N4BP2L2: variants seen among roughly 807,000 people sequenced by gnomAD.
N4BP2L2 encodes the protein NEDD4 binding protein 2 like 2.
In N4BP2L2, 50 loss-of-function variants were observed where a neutral mutation model predicts 56.2. The observed-to-expected ratio is 0.89, with a 90% CI of 0.71 to 1.13. The LOEUF (loss-of-function observed/expected upper bound fraction) is 1.13. N4BP2L2 is among the 50% of genes most tolerant of loss of function. The probability of loss-of-function intolerance (pLI) is 0.00; values close to 1 mark genes in which losing one functional copy is unlikely to be tolerated. For synonymous variants in N4BP2L2, 203 were observed against 223.6 expected, an observed-to-expected ratio of 0.91 and a Z score of 0.82; for missense variants, 689 against 693.8, an observed-to-expected ratio of 0.99 and a Z score of 0.08.
chr13:32,521,153 C>T (rs1393884481), intron 5 of N4BP2L2, among the ~76,000 whole-genome samples: 1 of 152,014 alleles, frequency 6.6e-6, no homozygotes, highest in Non-Finnish European at 1.5e-5. Flanking sequence ...AACATGAAAG[C>T]ACAAAGTAAA....
chr13:32,502,773 A>G lies in N4BP2L2; in HGVS notation c.365+15084T>C, dbSNP rs866142442. 3.3e-5 allele frequency among the ~76,000 whole-genome samples: 5 copies of G among 152,338 alleles called. No homozygotes were observed. The South Asian group carries it at 1.0e-3, about 32-fold the overall frequency. On this transcript the variant is annotated intron_variant, in intron 6 of 9. Coordinates refer to the N4BP2L2 transcript ENST00000357505. The stretch of plus-strand genomic sequence containing the variant: ...CTTCTAAGGGGCAGTCTGAAAGCAC[A>G]GAACTCCATTGCTCCGTGAACACCA...
intron 6 of N4BP2L2, among the ~76,000 whole-genome samples, chr13:32,474,971 T>C (rs2083022223): frequency 2.0e-5 from 3 of 152,220 alleles, no homozygotes; most frequent in African/African-American, 7.2e-5. Flanking sequence ...TACATAACTA[T>C]ATAGATGAGG....
At chr13:32,473,226 G>C (rs2082647447) in intron 6 of N4BP2L2, among the ~76,000 whole-genome samples, 1 of 150,864 alleles carries the variant, frequency 6.6e-6, no homozygotes, top group Non-Finnish European at 1.5e-5. Context: ...AGATTGCAGT[G>C]AGCCAAGATC....
intron 2 of N4BP2L2, among the ~76,000 whole-genome samples, chr13:32,535,394 C>A (rs971074830): frequency 3.3e-5 from 5 of 152,126 alleles, no homozygotes; most frequent in African/African-American, 4.8e-5. Flanking sequence ...ATTTTTAAAG[C>A]CCTTAGCAGA....
intron 6 of N4BP2L2, among the ~76,000 whole-genome samples, chr13:32,467,085 A>C (rs185971709): frequency 2.0e-5 from 3 of 152,388 alleles, no homozygotes; most frequent in South Asian, 2.1e-4. Flanking sequence ...GTTGATATAA[A>C]ATGGCCATTC....
chr13:32,502,265 C>T (rs537334892), intron 6 of N4BP2L2, among the ~76,000 whole-genome samples: 27 of 151,894 alleles, frequency 1.8e-4, no homozygotes, highest in African/African-American at 4.8e-4. Context: ...TTGGTAGAGA[C>T]GGGGTTTCAC....
chr13:32,434,270 T>TTTTTTTTTTTTAGA (rs2075215063), intron 9 of N4BP2L2, among the ~76,000 whole-genome samples: 1 of 148,512 alleles, frequency 6.7e-6, no homozygotes, highest in Admixed American at 6.7e-5. Context: ...TTTTTTTTTT[T>TTTTTTTTTTTTAGA]GTATTTTAGT....
At chr13:32,435,436 G>C (rs1164041805) in intron 9 of N4BP2L2, among the ~76,000 whole-genome samples, 1 of 151,994 alleles carries the variant, frequency 6.6e-6, no homozygotes, top group Non-Finnish European at 1.5e-5. Context: ...GTTTTGCCAT[G>C]TTGGCTAGGC....
exon 2 of N4BP2L2, chr13:32,536,059 A>C (rs1399789715): frequency 6.2e-7 from 1 of 1,614,086 alleles, no homozygotes; most frequent in East Asian, 2.2e-5. Flanking sequence ...TCCAGTTAAC[A>C]TGACAATTAT....
chr13:32,510,291 A>G (rs961034448), downstream of N4BP2L2: 2 of 152,124 alleles, frequency 1.3e-5, no homozygotes, highest in Admixed American at 6.5e-5. Flanking sequence ...CCAACTTAAC[A>G]TAATTTAGCA....
At chr13:32,492,053 G>T (rs929201851) in intron 6 of N4BP2L2, among the ~76,000 whole-genome samples, 2 of 152,012 alleles carry the variant, frequency 1.3e-5, no homozygotes, top group Non-Finnish European at 2.9e-5. Flanking sequence ...TCCCCACAAA[G>T]GCCTAACTCT....
chr13:32,483,631 T>TA (rs1484220181), intron 6 of N4BP2L2, among the ~76,000 whole-genome samples: 2 of 152,230 alleles, frequency 1.3e-5, no homozygotes, highest in Non-Finnish European at 2.9e-5. Flanking sequence ...CAGGAATGGA[T>TA]AATAGCATTG....
At chr13:32,435,407 T>C (rs1293032070) in intron 9 of N4BP2L2, among the ~76,000 whole-genome samples, 1 of 152,178 alleles carries the variant, frequency 6.6e-6, no homozygotes, top group Non-Finnish European at 1.5e-5. Context: ...CTAATTTTTG[T>C]ATTTTTAGTA....
chr13:32,459,499 C>T (rs542424418), intron 6 of N4BP2L2, among the ~76,000 whole-genome samples: 1 of 151,992 alleles, frequency 6.6e-6, no homozygotes, highest in Admixed American at 6.6e-5. Flanking sequence ...TTATGAAAAA[C>T]TATATGCTAA....
intron 6 of N4BP2L2, among the ~76,000 whole-genome samples, chr13:32,474,819 A>G (rs536425016): frequency 6.6e-6 from 1 of 152,386 alleles, no homozygotes; most frequent in East Asian, 1.9e-4. Flanking sequence ...AAACTTAAGT[A>G]GCATTTAAAG....
chr13:32,453,017 G>A (rs1288344467), intron 6 of N4BP2L2, among the ~76,000 whole-genome samples: 1 of 152,166 alleles, frequency 6.6e-6, no homozygotes, highest in Non-Finnish European at 1.5e-5. Context: ...CCAGCACTTT[G>A]GGAGGCTGAG....
chr13:32,460,255 T>C (rs928238989), intron 6 of N4BP2L2, among the ~76,000 whole-genome samples: 3 of 152,280 alleles, frequency 2.0e-5, no homozygotes, highest in Admixed American at 2.0e-4. Context: ...AAGACAAGGA[T>C]GCTCACCTTC....
At chr13:32,435,327 A>G (rs1411159190) in intron 9 of N4BP2L2, among the ~76,000 whole-genome samples, 2 of 152,134 alleles carry the variant, frequency 1.3e-5, no homozygotes, top group Admixed American at 1.3e-4. Context: ...TCTGCCTCCC[A>G]GGTTCAAGCA....
chr13:32,536,240 GAAGT>G lies in N4BP2L2; in HGVS notation c.784_787del (p.Thr262LeufsTer13). The G allele has an allele frequency of 6.2e-7, 1 of 1,613,808 alleles. No individual in the cohort carries two copies. The highest frequency in any genetic ancestry group is 8.5e-7 in the Non-Finnish European group (1 of 1,179,974). On this transcript the variant is annotated frameshift_variant, in exon 2 of 6. Coordinates refer to ENST00000267068, the Ensembl canonical transcript of N4BP2L2. LOFTEE classifies it high-confidence loss of function. Reference sequence around the variant, plus strand: ...TACTGACTGCCATTCAGGCCTGAAAGAAGTAAATGAAGTGTCACAAAATGTAGGT... The same window carrying G: ...TACTGACTGCCATTCAGGCCTGAAAGAAATGAAGTGTCACAAAATGTAGGT...
Sources: allele counts gnomAD v4.1 joint callset (sites outside exome capture counted in the v4.1 genomes callset), GRCh38; gene constraint gnomAD v4.1.1; transcripts MANE v1.5; gene names NCBI Gene and HGNC (gene_info 2026-07-23, HGNC 2026-07-21).